Variants in CCDC73 observed in about 807,000 individuals in gnomAD.
CCDC73 encodes coiled-coil domain-containing protein 73.
CCDC73 carries 95 observed loss-of-function variants against 116.5 expected under a neutral mutation model. That is an observed-to-expected ratio of 0.82 (90% confidence interval 0.69 to 0.97). CCDC73 has a LOEUF of 0.97. Ranked by LOEUF, CCDC73 falls within the 50% of genes least tolerant of loss-of-function variation. CCDC73 has a pLI of 0.00. For missense variants in CCDC73, 1,066 were observed against 1,206.8 expected (o/e 0.88, Z 1.73); for synonymous variants, 398 against 401.3 (o/e 0.99, Z 0.10).
chr11:32,675,555 T>C lies in CCDC73; in HGVS notation c.645+10A>G. The C allele has an allele frequency of 6.7e-7, 1 of 1,496,924 alleles. No individual in the cohort carries two copies. The highest frequency in any genetic ancestry group is 9.2e-7 in the Non-Finnish European group (1 of 1,090,334). 92.7% of individuals were successfully genotyped at this position (1,496,924 alleles called of 1,614,324 possible). ...TTTTACTTAGTAGTGTGAAACTGTA[T>C]CAATCATACCTTCTTTAAACTGCAT... On this transcript the variant is annotated intron_variant, in intron 9 of 17. Transcript: ENST00000335185.
At chr11:32,738,528 C>G (rs1385022963) in intron 2 of CCDC73, among the ~76,000 whole-genome samples, 1 of 152,048 alleles carries the variant, frequency 6.6e-6, no homozygotes, top group African/African-American at 2.4e-5. Context: ...AGATCTTTTG[C>G]CCATTTTTAA....
At chr11:32,607,371 C>T (rs1353501022) in intron 17 of CCDC73, among the ~76,000 whole-genome samples, 2 of 152,030 alleles carry the variant, frequency 1.3e-5, no homozygotes, top group Non-Finnish European at 2.9e-5. Flanking sequence ...GGATTACAGG[C>T]GTGAGCCACC....
intron 14 of CCDC73, among the ~76,000 whole-genome samples, chr11:32,616,925 G>A (rs1451928855): frequency 6.6e-6 from 1 of 152,198 alleles, no homozygotes; most frequent in Non-Finnish European, 1.5e-5. Flanking sequence ...GCTTTTGGGA[G>A]TCAAGGAAGG....
chr11:32,825,199 C>T, the CCDC73 span, among the ~76,000 whole-genome samples: 1 of 151,644 alleles, frequency 6.6e-6, no homozygotes, highest in Non-Finnish European at 1.5e-5. Flanking sequence ...ATAAACAGAT[C>T]CTGGTTGGTA....
intron 17 of CCDC73, among the ~76,000 whole-genome samples, chr11:32,607,798 A>C (rs549513154): frequency 3.2e-5 from 4 of 124,220 alleles, no homozygotes; most frequent in Non-Finnish European, 3.5e-5. Context: ...GCTAATAAAG[A>C]TACTGGAGAC....
At chr11:32,721,719 G>A (rs981164506) in intron 2 of CCDC73, among the ~76,000 whole-genome samples, 16 of 62,690 alleles carry the variant, frequency 2.6e-4, no homozygotes, top group Admixed American at 1.3e-3. Flanking sequence ...TCAGCCTCCC[G>A]AGTAGCTGGG....
chr11:32,763,099 G>A (rs774288513), intron 1 of CCDC73, among the ~76,000 whole-genome samples: 1 of 152,194 alleles, frequency 6.6e-6, no homozygotes, highest in Non-Finnish European at 1.5e-5. Context: ...AAGCAGCCAG[G>A]AAACCCAAAC....
At chr11:32,804,050 T>C in the CCDC73 span, among the ~76,000 whole-genome samples, 19 of 152,206 alleles carry the variant, frequency 1.2e-4, no homozygotes, top group Admixed American at 3.3e-4. Context: ...CCTCAAGTGA[T>C]CCACCCACCT....
In CCDC73 at chr11:32,741,545, C is replaced by G. The variant is rs557602250; in HGVS notation, c.135+18564G>C. On this transcript the variant is annotated intron_variant, in intron 2 of 17. Coordinates refer to ENST00000335185, the MANE Select transcript of CCDC73 (RefSeq NM_001008391.4). ...CATTTGCATGGAATATCTTTTTCAT[C>G]CCTTTATTTTTAGTCTATGTGTGAC... 3.9e-5 allele frequency among the ~76,000 whole-genome samples: 6 copies of G among 151,916 alleles called. No homozygotes were observed. In the East Asian group the frequency reaches 1.2e-3, roughly 29 times the overall value.
chr11:32,817,716 T>C, the CCDC73 span, among the ~76,000 whole-genome samples: 2 of 152,190 alleles, frequency 1.3e-5, no homozygotes, highest in Non-Finnish European at 2.9e-5. Context: ...CACTCTGTCA[T>C]ACAGCCTCAC....
At chr11:32,664,685 T>G (rs973744623) in intron 9 of CCDC73, among the ~76,000 whole-genome samples, 1 of 152,258 alleles carries the variant, frequency 6.6e-6, no homozygotes, top group South Asian at 2.1e-4. Context: ...TCATTTCTGC[T>G]ACAATCTTAG....
intron 6 of CCDC73, among the ~76,000 whole-genome samples, chr11:32,688,435 T>G (rs1856225076): frequency 6.6e-6 from 1 of 152,186 alleles, no homozygotes; most frequent in Non-Finnish European, 1.5e-5. Context: ...TGAAAGAGAT[T>G]AAAGAGCTAT....
At chr11:32,718,247 C>T in intron 2 of CCDC73, 100 bp from the exon 3 acceptor site, 1 of 701,354 alleles carries the variant, frequency 1.4e-6, no homozygotes, top group South Asian at 2.0e-5. Flanking sequence ...ATACTCCCAC[C>T]TTTACAACAA....
chr11:32,690,222 A>G (rs974870652), intron 6 of CCDC73, among the ~76,000 whole-genome samples: 7 of 152,328 alleles, frequency 4.6e-5, no homozygotes, highest in South Asian at 4.1e-4. Flanking sequence ...CTCTTAAATT[A>G]TAAGAAAAGA....
chr11:32,760,296 C>A (rs965083009), intron 1 of CCDC73, 38 bp from the exon 2 acceptor site: 8 of 1,206,828 alleles, frequency 6.6e-6, no homozygotes, highest in Non-Finnish European at 9.4e-6. Context: ...AAAAAATTAT[C>A]TAGGTTTTTC....
intron 1 of CCDC73, among the ~76,000 whole-genome samples, chr11:32,793,535 T>C (rs973308850): frequency 2.0e-5 from 3 of 152,218 alleles, no homozygotes; most frequent in African/African-American, 4.8e-5. Flanking sequence ...TTCCCATAAA[T>C]GACTTAAGGG....
intron 14 of CCDC73, among the ~76,000 whole-genome samples, chr11:32,625,734 G>A (rs1412580565): frequency 6.6e-6 from 1 of 152,028 alleles, no homozygotes; most frequent in Non-Finnish European, 1.5e-5. Context: ...AAAAACACAT[G>A]ATTATTTCAG....
At chr11:32,823,424 A>C in the CCDC73 span, among the ~76,000 whole-genome samples, 1 of 152,206 alleles carries the variant, frequency 6.6e-6, no homozygotes, top group African/African-American at 2.4e-5. Context: ...CAGTGAGCCA[A>C]GATTGTGCCA....
chr11:32,606,083 A>T (rs573279021), intron 17 of CCDC73: 4 of 152,254 alleles, frequency 2.6e-5, no homozygotes, highest in South Asian at 2.1e-4. Flanking sequence ...TATAATCAAG[A>T]TTGCAGTAGG....
Sources: gnomAD v4.1 joint callset for allele counts (sites outside exome capture counted in the v4.1 genomes callset) on GRCh38, gnomAD v4.1.1 for gene constraint, MANE v1.5 for transcripts, NCBI Gene and HGNC (gene_info 2026-07-23, HGNC 2026-07-21) for gene names.